Variants in MTMR3 observed in about 807,000 individuals in gnomAD.
The protein encoded by MTMR3 is myotubularin related protein 3.
In MTMR3, 32 loss-of-function variants were observed where a neutral mutation model predicts 132.4. The ratio of observed to expected loss-of-function variants is 0.24; its 90% CI spans 0.18 to 0.32. The LOEUF is 0.32. Among genes scored for constraint, MTMR3 ranks in the 10% least tolerant of loss-of-function variants. MTMR3 has a pLI of 1.00. For missense variants in MTMR3, 1,216 were observed against 1,489.6 expected, an observed-to-expected ratio of 0.82 and a Z score of 3.02; for synonymous variants, 556 against 550.3, an observed-to-expected ratio of 1.01 and a Z score of -0.14.
rs55960706 is a variant in MTMR3 at position 29,966,726 on chromosome 22, CGTGTGTGTGTGT to C, written c.-84-4215_-84-4204del. On this transcript the variant is annotated intron_variant, in intron 2 of 19. Coordinates refer to ENST00000401950, the MANE Select transcript of MTMR3 (RefSeq NM_021090.4). ...TCCACTGGTGACCTGTAGGGGTGTGCGTGTGTGTGTGTGTGTGTGTGTGTGTGTGTGTGTGTG... is the reference window on the plus strand; with the variant it reads ...TCCACTGGTGACCTGTAGGGGTGTGCGTGTGTGTGTGTGTGTGTGTGTGTG... 6.9e-3 allele frequency among the ~76,000 whole-genome samples: 993 copies of C among 142,946 alleles called. 4 individuals are homozygous for C. Among genetic ancestry groups the C allele is most frequent in the Non-Finnish European group, 8.1e-3 (519 of 64,218 alleles). The allele number at this position is 142,946 out of a possible 152,430, so 93.8% of individuals were successfully genotyped here.
At chr22:29,929,195 C>T (rs914503364) in intron 1 of MTMR3, among the ~76,000 whole-genome samples, 23 of 151,920 alleles carry the variant, frequency 1.5e-4, no homozygotes, top group African/African-American at 4.1e-4. Flanking sequence ...GCAGGAGAAT[C>T]GCTTGAGCCT....
chr22:29,950,982 C>G (rs2066067259), intron 1 of MTMR3, among the ~76,000 whole-genome samples: 2 of 152,082 alleles, frequency 1.3e-5, no homozygotes, highest in African/African-American at 2.4e-5. Context: ...GAAACCCCGT[C>G]TCTACTGAAA....
rs779221887 is a variant in MTMR3, at chr22:29,978,926, C to A, written c.94-10C>A. ...CTTCAGAACTCTGAAGGGTTTCTTT[C>A]ATTTCGAAGGTTCCTTTCCTTGAAC... is the stretch of plus-strand genomic sequence containing the variant. On this transcript the variant is annotated splice_polypyrimidine_tract_variant and intron_variant, in intron 4 of 19. Transcript: ENST00000401950. 44 of 1,586,920 alleles carry A rather than the reference C, an allele frequency of 2.8e-5. No homozygotes were observed. The highest frequency in any genetic ancestry group is 3.8e-5 in the Non-Finnish European group (44 of 1,158,244).
chr22:29,929,565 A>G (rs2065598306), intron 1 of MTMR3, among the ~76,000 whole-genome samples: 1 of 151,182 alleles, frequency 6.6e-6, no homozygotes. Context: ...GCTGGAGTGT[A>G]GTGGCGCAAT....
At chr22:29,952,738 T>G (rs1389684733) in intron 1 of MTMR3, among the ~76,000 whole-genome samples, 1 of 152,218 alleles carries the variant, frequency 6.6e-6, no homozygotes, top group Non-Finnish European at 1.5e-5. Flanking sequence ...CTGTTTTCAT[T>G]TATAGTTGAC....
intron 9 of MTMR3, chr22:30,005,285 T>C (rs1043312944): frequency 5.9e-5 from 9 of 152,266 alleles, no homozygotes; most frequent in Admixed American, 4.6e-4. Flanking sequence ...GTTTGAATTA[T>C]CTTTCATGTA....
chr22:29,904,911 C>G (rs2065067537), intron 1 of MTMR3, among the ~76,000 whole-genome samples: 1 of 151,996 alleles, frequency 6.6e-6, no homozygotes, highest in Non-Finnish European at 1.5e-5. Context: ...AGCTTTAGGA[C>G]AGGGTTGAGT....
At chr22:29,894,110 G>C (rs1286448255) in intron 1 of MTMR3, among the ~76,000 whole-genome samples, 1 of 152,196 alleles carries the variant, frequency 6.6e-6, no homozygotes, top group Non-Finnish European at 1.5e-5. Context: ...CTTCCAAAGT[G>C]CTGGGATTAC....
At chr22:29,901,306 A>G (rs1324992460) in intron 1 of MTMR3, among the ~76,000 whole-genome samples, 5 of 151,472 alleles carry the variant, frequency 3.3e-5, no homozygotes, top group Non-Finnish European at 7.4e-5. Flanking sequence ...TAATTTACAA[A>G]TATTGTTTAA....
intron 1 of MTMR3, among the ~76,000 whole-genome samples, chr22:29,906,422 G>T (rs573494567): frequency 7.2e-5 from 11 of 151,994 alleles, no homozygotes; most frequent in African/African-American, 2.7e-4. Flanking sequence ...ATCTCCTCCC[G>T]GGTTCAAGCA....
chr22:30,023,185 T>C (rs1033438582), intron 19 of MTMR3: 5 of 504,566 alleles, frequency 9.9e-6, no homozygotes, highest in Non-Finnish European at 1.8e-5. Flanking sequence ...GGTTCCTGAC[T>C]TCTTTTTCCT....
chr22:30,025,648 C>G lies in MTMR3; in HGVS notation c.3444C>G (p.Phe1148Leu). The G allele has an allele frequency of 6.2e-7, 1 of 1,614,216 alleles. No homozygotes were observed. The highest frequency in any genetic ancestry group is 8.5e-7 in the Non-Finnish European group (1 of 1,180,022). The change falls in exon 20 of 20, where the codon TTC (phenylalanine) becomes TTG (leucine). Residue 1148 changes from phenylalanine (F) to leucine (L), a missense_variant. This residue lies in a region of MTMR3 where 852 missense variants were observed against 852.0 expected (regional missense o/e 1.00). Transcript: ENST00000401950. ...TCTCAAGGAATTGTGGGAACGTATT[C>G]TGCTCCAGTTGTTGTAACCAGAAGG... ...KHHCRNCGNV[F>L]CSSCCNQKVP...
chr22:30,002,111 CG>C (rs1468325313), intron 8 of MTMR3: 5 of 152,182 alleles, frequency 3.3e-5, no homozygotes, highest in Admixed American at 6.5e-5. Flanking sequence ...AAAAATCTAT[CG>C]GAAGTATTGC....
intron 1 of MTMR3, among the ~76,000 whole-genome samples, chr22:29,900,812 CA>C: frequency 6.6e-6 from 1 of 152,202 alleles, no homozygotes. Flanking sequence ...CTTCAAGGCT[CA>C]AGTCATACTC....
At chr22:29,923,290 T>G (rs2065455741) in intron 1 of MTMR3, among the ~76,000 whole-genome samples, 1 of 151,702 alleles carries the variant, frequency 6.6e-6, no homozygotes, top group Non-Finnish European at 1.5e-5. Context: ...GCCAGGATGG[T>G]CTCAATCTCC....
chr22:30,015,662 TAG>T (rs757092077), intron 14 of MTMR3: 2 of 152,218 alleles, frequency 1.3e-5, no homozygotes, highest in African/African-American at 2.4e-5. Flanking sequence ...TATCCCAGCA[TAG>T]AGTCTCTTCT....
chr22:29,925,555 C>CT (rs1180131529), intron 1 of MTMR3, among the ~76,000 whole-genome samples: 2 of 138,330 alleles, frequency 1.4e-5, no homozygotes, highest in African/African-American at 3.1e-5. Context: ...TATTTGTTTT[C>CT]TTTAAAAAAA....
intron 1 of MTMR3, among the ~76,000 whole-genome samples, chr22:29,954,059 C>CTTGTTTTTTTTTTTTTTTT (rs2066135861): frequency 1.3e-5 from 1 of 79,426 alleles, no homozygotes; most frequent in African/African-American, 5.3e-5. Context: ...TCAAATGAGT[C>CTTGTTTTTTTTTTTTTTTT]TTTTTTTTTT....
intron 13 of MTMR3, chr22:30,013,030 C>T (rs957472554): frequency 1.5e-5 from 3 of 204,586 alleles, no homozygotes; most frequent in Non-Finnish European, 2.9e-5. Flanking sequence ...GACTTTGTAA[C>T]ACCAGAGGCA....
Sources: gnomAD v4.1 joint callset for allele counts (sites outside exome capture counted in the v4.1 genomes callset) on GRCh38, gnomAD v4.1.1 for gene constraint, gnomAD v4.1.1 regional missense constraint, MANE v1.5 for transcripts, NCBI Gene and HGNC (gene_info 2026-07-23, HGNC 2026-07-21) for gene names.